UNC5C: variants seen among roughly 807,000 people sequenced by gnomAD.
UNC5C encodes netrin receptor UNC5C.
UNC5C carries 47 observed loss-of-function variants against 99.8 expected under a neutral mutation model. That is an observed-to-expected ratio of 0.47 (90% confidence interval 0.37 to 0.60). UNC5C has a LOEUF of 0.60. Ranked by LOEUF, UNC5C falls within the 20% of genes least tolerant of loss-of-function variation. The pLI, the probability that UNC5C is intolerant of heterozygous loss-of-function variation, is 0.00. For missense variants in UNC5C, 1,062 were observed against 1,165.9 expected, an observed-to-expected ratio of 0.91 and a Z score of 1.30; for synonymous variants, 487 against 452.2, an observed-to-expected ratio of 1.08 and a Z score of -0.98.
At chr4:95,176,655 CA>C (rs1736362944) in intron 14 of UNC5C, among the ~76,000 whole-genome samples, 1 of 152,228 alleles carries the variant, frequency 6.6e-6, no homozygotes, top group Non-Finnish European at 1.5e-5. Flanking sequence ...AGCTGTCTGA[CA>C]GGGACATTTA....
intron 1 of UNC5C, among the ~76,000 whole-genome samples, chr4:95,485,785 T>G (rs1249649674): frequency 6.6e-6 from 1 of 151,770 alleles, no homozygotes; most frequent in Non-Finnish European, 1.5e-5. Context: ...AGTTTTAAAA[T>G]GGTCAAGCCT....
intron 1 of UNC5C, among the ~76,000 whole-genome samples, chr4:95,480,910 T>G (rs1721130075): frequency 6.6e-6 from 1 of 151,534 alleles, no homozygotes; most frequent in Non-Finnish European, 1.5e-5. Context: ...TCACACTGAA[T>G]GGGCAAAAAC....
chr4:95,363,803 C>G (rs1395275572), intron 1 of UNC5C, among the ~76,000 whole-genome samples: 1 of 152,158 alleles, frequency 6.6e-6, no homozygotes, highest in Non-Finnish European at 1.5e-5. Context: ...AGGCCTCACT[C>G]CAGGAGTCAA....
intron 1 of UNC5C, among the ~76,000 whole-genome samples, chr4:95,490,325 T>G (rs1340206134): frequency 6.6e-6 from 1 of 151,730 alleles, no homozygotes; most frequent in African/African-American, 2.4e-5. Flanking sequence ...TCAAGACAGT[T>G]CTGCCAATAA....
chr4:95,297,275 C>T (rs983180109), intron 3 of UNC5C, among the ~76,000 whole-genome samples: 1 of 152,104 alleles, frequency 6.6e-6, no homozygotes, highest in Non-Finnish European at 1.5e-5. Flanking sequence ...CTAAGGGCAC[C>T]CCTCAATACA....
In UNC5C at chr4:95,384,286, A is replaced by C. The variant is rs6822237; in HGVS notation, c.125-48655T>G. 9.2e-3 allele frequency among the ~76,000 whole-genome samples: 1,402 copies of C among 152,308 alleles called. 18 individuals are homozygous for C. Among genetic ancestry groups the C allele is most frequent in the African/African-American group, 0.032 (1,314 of 41,570 alleles). On this transcript the variant is annotated intron_variant, in intron 1 of 15. Transcript: ENST00000453304. ...ATGCTTATGGATAGCCTCTATCCTT[A>C]AAAAGCACACGGTGTCATGGAGAGA...
intron 10 of UNC5C, among the ~76,000 whole-genome samples, chr4:95,208,218 C>T (rs1737949538): frequency 6.6e-6 from 1 of 152,052 alleles, no homozygotes; most frequent in Admixed American, 6.6e-5. Flanking sequence ...TTGATTATTC[C>T]CAATCAAGGA....
intron 1 of UNC5C, among the ~76,000 whole-genome samples, chr4:95,409,506 G>A (rs925974891): frequency 6.6e-6 from 1 of 152,156 alleles, no homozygotes; most frequent in South Asian, 2.1e-4. Context: ...ATGTTGCTCT[G>A]ATGAATAAAA....
chr4:95,357,145 TTA>T (rs1491010241), intron 1 of UNC5C, among the ~76,000 whole-genome samples: 1 of 149,368 alleles, frequency 6.7e-6, no homozygotes, highest in Non-Finnish European at 1.5e-5. Flanking sequence ...GTTTTTTTTT[TTA>T]TTTAAAGACA....
chr4:95,377,609 T>C (rs1744935147), intron 1 of UNC5C, among the ~76,000 whole-genome samples: 1 of 152,100 alleles, frequency 6.6e-6, no homozygotes, highest in African/African-American at 2.4e-5. Context: ...CTTTGTTAGG[T>C]AATGGGTTTT....
chr4:95,399,396 A>T (rs1333225170), intron 1 of UNC5C, among the ~76,000 whole-genome samples: 1 of 152,216 alleles, frequency 6.6e-6, no homozygotes, highest in Non-Finnish European at 1.5e-5. Flanking sequence ...GAGGATTTTT[A>T]AAAATGCAAA....
intron 4 of UNC5C, among the ~76,000 whole-genome samples, chr4:95,277,988 C>A (rs911103379): frequency 6.6e-6 from 1 of 152,188 alleles, no homozygotes; most frequent in Admixed American, 6.5e-5. Flanking sequence ...AAGTGCCAGA[C>A]AAAATAAAGC....
intron 13 of UNC5C, among the ~76,000 whole-genome samples, chr4:95,183,547 C>T (rs1388525079): frequency 6.6e-6 from 1 of 152,128 alleles, no homozygotes. Context: ...CTCCTCTGCC[C>T]AGGACAGGGG....
chr4:95,377,404 G>C (rs889820278), intron 1 of UNC5C, among the ~76,000 whole-genome samples: 3 of 152,150 alleles, frequency 2.0e-5, no homozygotes, highest in African/African-American at 7.2e-5. Context: ...GAGCAACAAA[G>C]AAACTAAATC....
At chr4:95,535,736 C>T (rs1293587414) in intron 1 of UNC5C, among the ~76,000 whole-genome samples, 1 of 152,036 alleles carries the variant, frequency 6.6e-6, no homozygotes, top group Non-Finnish European at 1.5e-5. Context: ...TTTGGTTGTA[C>T]ATCTTAATAT....
chr4:95,543,029 A>T (rs529949847), intron 1 of UNC5C, among the ~76,000 whole-genome samples: 1 of 152,260 alleles, frequency 6.6e-6, no homozygotes, highest in Non-Finnish European at 1.5e-5. Context: ...TCAAAGTAGC[A>T]TTAAAAAACA....
chr4:95,516,584 C>T (rs761982922), intron 1 of UNC5C, among the ~76,000 whole-genome samples: 18 of 152,136 alleles, frequency 1.2e-4, no homozygotes, highest in Admixed American at 7.2e-4. Context: ...CAGTGGCAGT[C>T]GGCCGCCCTC....
intron 1 of UNC5C, among the ~76,000 whole-genome samples, chr4:95,446,903 A>G (rs1368287255): frequency 2.0e-5 from 3 of 152,230 alleles, no homozygotes; most frequent in Non-Finnish European, 4.4e-5. Flanking sequence ...TCCATGCACA[A>G]GGTGGTCTCC....
intron 2 of UNC5C, among the ~76,000 whole-genome samples, chr4:95,329,651 G>A (rs944948675): frequency 4.6e-5 from 7 of 151,884 alleles, no homozygotes; most frequent in Non-Finnish European, 7.4e-5. Flanking sequence ...TTTTCTATTC[G>A]GTTGCTGATC....
Sources: gnomAD v4.1 joint callset for allele counts (sites outside exome capture counted in the v4.1 genomes callset) on GRCh38, gnomAD v4.1.1 for gene constraint, MANE v1.5 for transcripts, NCBI Gene and HGNC (gene_info 2026-07-23, HGNC 2026-07-21) for gene names.